The following RAB2A variants were observed in gnomAD, a reference collection of about 807,000 sequenced individuals.
RAB2A encodes the protein ras-related protein Rab-2A.
RAB2A carries 7 observed loss-of-function variants against 32.5 expected under a neutral mutation model. That is an observed-to-expected ratio of 0.22 (90% CI 0.12 to 0.40). RAB2A has a LOEUF of 0.40. Ranked by LOEUF, RAB2A falls within the 10% of genes least tolerant of loss-of-function variation. The pLI is 1.00. For missense variants in RAB2A, 108 were observed against 260.7 expected (o/e 0.41, Z 4.03); for synonymous variants, 79 against 85.2 (o/e 0.93, Z 0.40).
intron 1 of RAB2A, among the ~76,000 whole-genome samples, chr8:60,534,158 G>A (rs1168747308): frequency 6.6e-6 from 1 of 152,214 alleles, no homozygotes; most frequent in East Asian, 1.9e-4. Flanking sequence ...TTTCTAACTG[G>A]AGTGAATGGC....
chr8:60,605,828 A>AATATATATATAT lies in RAB2A; in HGVS notation c.475-12749_475-12748insTATATATATATA, dbSNP rs765737905. Among the ~76,000 whole-genome samples, 258 of 113,962 alleles carry AATATATATATAT rather than the reference A, an allele frequency of 2.3e-3. 2 individuals carry two copies. Among genetic ancestry groups the AATATATATATAT allele is most frequent in the South Asian group, 0.02 (71 of 3,630 alleles). 74.8% of individuals were successfully genotyped at this position (113,962 alleles called of 152,430 possible). On this transcript the variant is annotated intron_variant, in intron 6 of 7. Transcript: ENST00000262646. ...TACAGGCTCATAGGCAAAAGGGACT[A>AATATATATATAT]ATACATATATACATATATATATATA...
chr8:60,607,975 A>C (rs964042161), intron 6 of RAB2A, among the ~76,000 whole-genome samples: 1 of 152,162 alleles, frequency 6.6e-6, no homozygotes, highest in African/African-American at 2.4e-5. Flanking sequence ...TCTGGCTTCT[A>C]TTAAGAGCTG....
intron 1 of RAB2A, among the ~76,000 whole-genome samples, chr8:60,554,621 TA>T (rs1807906367): frequency 1.3e-5 from 2 of 152,158 alleles, no homozygotes; most frequent in African/African-American, 2.4e-5. Context: ...GTGGATTTGA[TA>T]ATCACTGACT....
chr8:60,551,700 T>G (rs1196311491), intron 1 of RAB2A, among the ~76,000 whole-genome samples: 1 of 152,122 alleles, frequency 6.6e-6, no homozygotes, highest in Non-Finnish European at 1.5e-5. Context: ...TTTACTATTT[T>G]TATTTTATTT....
At chr8:60,618,453 C>A in intron 6 of RAB2A, 127 bp from the exon 7 acceptor site, 1 of 346,086 alleles carries the variant, frequency 2.9e-6, no homozygotes, top group South Asian at 1.0e-4. Flanking sequence ...TATCTTTGTT[C>A]TTTATTAATA....
intron 1 of RAB2A, among the ~76,000 whole-genome samples, chr8:60,554,870 A>G (rs1364417232): frequency 6.6e-6 from 1 of 152,188 alleles, no homozygotes. Context: ...AAAAGAAAGA[A>G]AAAAGAAATA....
chr8:60,600,066 T>TAAAA (rs36105307), intron 6 of RAB2A, among the ~76,000 whole-genome samples: 1 of 139,878 alleles, frequency 7.1e-6, no homozygotes, highest in Non-Finnish European at 1.6e-5. Flanking sequence ...TACTCGGTAG[T>TAAAA]AAAAAAAAAA....
intron 1 of RAB2A, among the ~76,000 whole-genome samples, chr8:60,549,244 C>T (rs1032078332): frequency 6.6e-6 from 1 of 152,128 alleles, no homozygotes; most frequent in African/African-American, 2.4e-5. Context: ...GGGTGGCGGC[C>T]GGGCAGAGGC....
intron 1 of RAB2A, among the ~76,000 whole-genome samples, chr8:60,541,267 CTG>C (rs1344377813): frequency 2.1e-5 from 3 of 140,402 alleles, no homozygotes; most frequent in African/African-American, 8.5e-5. Flanking sequence ...GCATGAGAAA[CTG>C]TTACAACCAA....
intron 1 of RAB2A, among the ~76,000 whole-genome samples, chr8:60,520,812 C>T (rs955705967): frequency 3.3e-5 from 5 of 151,940 alleles, no homozygotes; most frequent in African/African-American, 9.7e-5. Context: ...TTTTATTTTA[C>T]TTATATTATT....
intron 7 of RAB2A, among the ~76,000 whole-genome samples, chr8:60,619,373 G>A (rs1258212985): frequency 6.6e-6 from 1 of 152,112 alleles, no homozygotes. Flanking sequence ...TTGCCATTCT[G>A]TATTAAGATT....
rs56406651 is a variant in RAB2A, at chr8:60,598,937, C to CAAA, written c.474+6995_474+6997dup. ...GGAAGTTCTAGCCAGTGCAGTAAAG[C>CAAA]AAAAAAAAAAAAAAAAAAAAAAAAA... On this transcript the variant is annotated intron_variant, in intron 6 of 7. Transcript: ENST00000262646. Among the ~76,000 whole-genome samples, 240 of 40,388 alleles carry CAAA rather than the reference C, an allele frequency of 5.9e-3. 8 individuals carry two copies. Among genetic ancestry groups the CAAA allele is most frequent in the East Asian group, 9.3e-3 (11 of 1,184 alleles). 26.5% of individuals were successfully genotyped at this position (40,388 alleles called of 152,430 possible).
intron 6 of RAB2A, among the ~76,000 whole-genome samples, chr8:60,605,948 AGACCAGCTT>A (rs1167603414): frequency 6.6e-6 from 1 of 151,850 alleles, no homozygotes; most frequent in African/African-American, 2.4e-5. Flanking sequence ...CAGGAGTTCG[AGACCAGCTT>A]GACCAATATG....
chr8:60,567,871 A>T (rs751359126), intron 2 of RAB2A, among the ~76,000 whole-genome samples: 3 of 151,978 alleles, frequency 2.0e-5, no homozygotes, highest in Non-Finnish European at 2.9e-5. Context: ...TAATTTTATT[A>T]CTCTAATTTT....
intron 3 of RAB2A, among the ~76,000 whole-genome samples, chr8:60,577,085 G>C (rs1803646980): frequency 6.7e-6 from 1 of 149,912 alleles, no homozygotes; most frequent in South Asian, 2.1e-4. Flanking sequence ...TTGCCCTGTT[G>C]CCCAGGCTGG....
In RAB2A at chr8:60,605,936, G is replaced by A. The variant is rs137939525; in HGVS notation, c.475-12644G>A. 3.3e-5 allele frequency among the ~76,000 whole-genome samples: 5 copies of A among 151,458 alleles called. No homozygotes were observed. The South Asian group carries it at 8.3e-4, about 25-fold the overall frequency. ...GGCCAAGACGGGCAGATCACCTGAG[G>A]TCAGGAGTTCGAGACCAGCTTGACC... is the stretch of plus-strand genomic sequence containing the variant. On this transcript the variant is annotated intron_variant, in intron 6 of 7. Coordinates refer to ENST00000262646, the MANE Select transcript of RAB2A (RefSeq NM_002865.3).
At chr8:60,601,348 T>C (rs900385075) in intron 6 of RAB2A, among the ~76,000 whole-genome samples, 1 of 150,018 alleles carries the variant, frequency 6.7e-6, no homozygotes, top group African/African-American at 2.4e-5. Context: ...TTTTCTTTCT[T>C]TTTTTTTTTG....
chr8:60,549,747 C>G (rs1322252701), intron 1 of RAB2A, among the ~76,000 whole-genome samples: 1 of 151,844 alleles, frequency 6.6e-6, no homozygotes, highest in African/African-American at 2.4e-5. Context: ...TAGATAGTTG[C>G]TTTTTCTTTA....
At chr8:60,531,928 G>T (rs1807482950) in intron 1 of RAB2A, among the ~76,000 whole-genome samples, 1 of 151,066 alleles carries the variant, frequency 6.6e-6, no homozygotes, top group Admixed American at 6.6e-5. Context: ...ACACCCTCCC[G>T]AGTAGCTGGG....
Sources: gnomAD v4.1 joint callset for allele counts (sites outside exome capture counted in the v4.1 genomes callset) on GRCh38, gnomAD v4.1.1 for gene constraint, MANE v1.5 for transcripts, NCBI Gene and HGNC (gene_info 2026-07-23, HGNC 2026-07-21) for gene names.